The following IL1RAP variants were observed in gnomAD, a reference collection of about 807,000 sequenced individuals.
IL1RAP encodes interleukin 1 receptor accessory protein.
A neutral mutation model predicts 60.7 loss-of-function variants in IL1RAP; 35 were observed. That is an observed-to-expected ratio of 0.58 (90% CI 0.44 to 0.76). IL1RAP has a LOEUF of 0.76. Among genes scored for constraint, IL1RAP ranks in the 30% least tolerant of loss-of-function variants. The pLI is 0.00. For synonymous variants in IL1RAP, 268 were observed against 250.9 expected (o/e 1.07, Z -0.64); for missense variants, 572 against 693.9 (o/e 0.82, Z 1.97).
At chr3:190,647,211 A>G (rs1734076657) in intron 11 of IL1RAP, among the ~76,000 whole-genome samples, 1 of 152,102 alleles carries the variant, frequency 6.6e-6, no homozygotes. Flanking sequence ...ACTGCTTGGA[A>G]CACACAATCA....
chr3:190,618,966 C>A (rs1227970437), intron 5 of IL1RAP, among the ~76,000 whole-genome samples: 1 of 152,112 alleles, frequency 6.6e-6, no homozygotes, highest in Non-Finnish European at 1.5e-5. Flanking sequence ...GTACATGCTC[C>A]AGGAATTGAA....
At chr3:190,518,481 C>T (rs1347573115) in intron 1 of IL1RAP, 1 of 152,072 alleles carries the variant, frequency 6.6e-6, no homozygotes. Flanking sequence ...TCATTCAATC[C>T]TCACAATAAT....
At chr3:190,659,608 A>T (rs146416903) in exon 12 of IL1RAP, 2 of 152,298 alleles carry the variant, frequency 1.3e-5, no homozygotes, top group East Asian at 3.9e-4. Flanking sequence ...TCATTGCATA[A>T]GAAATATTGT....
At chr3:190,635,797 AG>A (rs1733173944) in intron 9 of IL1RAP, among the ~76,000 whole-genome samples, 1 of 152,306 alleles carries the variant, frequency 6.6e-6, no homozygotes, top group Non-Finnish European at 1.5e-5. Flanking sequence ...AAAGTCTGGG[AG>A]CAGGTATCTC....
At chr3:190,586,007 A>G (rs902925778) in intron 3 of IL1RAP, among the ~76,000 whole-genome samples, 1 of 151,890 alleles carries the variant, frequency 6.6e-6, no homozygotes. Context: ...CTAACTCATC[A>G]TGGCTCACAT....
At position 190,649,169 on chromosome 3, in the gene IL1RAP, C is replaced by T; in HGVS notation, c.*464C>T. 3.0e-6 allele frequency: 3 copies of T among 987,540 alleles called. No homozygotes were observed. The highest frequency in any genetic ancestry group is 1.2e-6 in the Non-Finnish European group (1 of 831,522). The allele number at this position is 987,540 out of a possible 1,614,324, so 61.2% of individuals were successfully genotyped here. On this transcript the variant is annotated 3_prime_UTR_variant, in exon 12 of 12. Transcript: ENST00000447382. The stretch of plus-strand genomic sequence containing the variant: ...AAGATAATCAAGGCCTACATTTTAG[C>T]TGAGGATAATGAACTTTTTTCCTCA...
chr3:190,585,705 G>T (rs537675169), intron 3 of IL1RAP, among the ~76,000 whole-genome samples: 1 of 152,158 alleles, frequency 6.6e-6, no homozygotes, highest in African/African-American at 2.4e-5. Flanking sequence ...CCAGCTACTT[G>T]GGAGGGTGAG....
At chr3:190,621,209 A>C (rs1731749550) in intron 6 of IL1RAP, among the ~76,000 whole-genome samples, 1 of 152,356 alleles carries the variant, frequency 6.6e-6, no homozygotes, top group Admixed American at 6.5e-5. Context: ...ACTGACAAGA[A>C]GTAACCTGTT....
At chr3:190,577,122 G>A (rs1022642874) in intron 3 of IL1RAP, among the ~76,000 whole-genome samples, 34 of 130,846 alleles carry the variant, frequency 2.6e-4, no homozygotes, top group African/African-American at 7.8e-4. Flanking sequence ...AAAAAAAAAA[G>A]GATTGTTACA....
intron 3 of IL1RAP, among the ~76,000 whole-genome samples, chr3:190,582,260 C>T (rs1728058469): frequency 6.6e-6 from 1 of 151,758 alleles, no homozygotes. Flanking sequence ...TGCTCCTCTC[C>T]ATCTTAAGTA....
intron 9 of IL1RAP, among the ~76,000 whole-genome samples, chr3:190,638,762 T>C (rs1733422833): frequency 6.6e-6 from 1 of 152,150 alleles, no homozygotes; most frequent in Non-Finnish European, 1.5e-5. Context: ...GTAGTAGAAA[T>C]TGAAGTTCAG....
chr3:190,526,882 C>T (rs531201085), intron 1 of IL1RAP, among the ~76,000 whole-genome samples: 1 of 152,330 alleles, frequency 6.6e-6, no homozygotes, highest in South Asian at 2.1e-4. Context: ...TGTTCCAGGG[C>T]TCATCCTGGC....
chr3:190,654,190 TCA>T (rs57074064), downstream of IL1RAP, among the ~76,000 whole-genome samples: 1,703 of 140,472 alleles, frequency 0.012, 30 homozygotes, highest in African/African-American at 0.037. Context: ...AAACATCATA[TCA>T]CACACACACA....
chr3:190,648,128 T>A (rs1187984231), intron 11 of IL1RAP, among the ~76,000 whole-genome samples: 1 of 152,192 alleles, frequency 6.6e-6, no homozygotes, highest in East Asian at 1.9e-4. Context: ...GAAATATGTG[T>A]ATATAGTTTC....
At chr3:190,544,442 C>T (rs1472379646) in intron 1 of IL1RAP, among the ~76,000 whole-genome samples, 1 of 152,206 alleles carries the variant, frequency 6.6e-6, no homozygotes. Flanking sequence ...ATCAGCTTGC[C>T]ACAGGAGTGG....
chr3:190,637,842 T>A (rs188067617), intron 9 of IL1RAP, among the ~76,000 whole-genome samples: 79 of 152,010 alleles, frequency 5.2e-4, no homozygotes, highest in African/African-American at 1.7e-3. Context: ...AGTTTTTTTT[T>A]TATATATTCT....
At chr3:190,625,114 TC>T (rs1732135961) in intron 7 of IL1RAP, 1 of 152,680 alleles carries the variant, frequency 6.5e-6, no homozygotes, top group South Asian at 2.1e-4. Flanking sequence ...CTCTTCGCCA[TC>T]CAGTGTTTGG....
At chr3:190,524,728 C>G (rs559404771) in intron 1 of IL1RAP, among the ~76,000 whole-genome samples, 2 of 152,012 alleles carry the variant, frequency 1.3e-5, no homozygotes, top group African/African-American at 4.8e-5. Flanking sequence ...AATAAGGAGG[C>G]AATGATACAT....
intron 1 of IL1RAP, among the ~76,000 whole-genome samples, chr3:190,532,883 A>G (rs1723112874): frequency 6.6e-6 from 1 of 151,712 alleles, no homozygotes; most frequent in Admixed American, 6.6e-5. Flanking sequence ...CTCCTTTTTC[A>G]ATTTCCTTTT....
Sources: gnomAD v4.1 joint callset for allele counts (sites outside exome capture counted in the v4.1 genomes callset) on GRCh38, gnomAD v4.1.1 for gene constraint, MANE v1.5 for transcripts, NCBI Gene and HGNC (gene_info 2026-07-23, HGNC 2026-07-21) for gene names.